Variants in CXCR4 observed in about 807,000 individuals in gnomAD.
CXCR4 encodes C-X-C motif chemokine receptor 4.
In CXCR4, 6 loss-of-function variants were observed where a neutral mutation model predicts 22.4. The observed-to-expected ratio is 0.27, with a 90% CI of 0.15 to 0.53. The LOEUF is 0.53. Ranked by LOEUF, CXCR4 falls within the 20% of genes least tolerant of loss-of-function variation. The probability of loss-of-function intolerance (pLI) is 0.96; values close to 1 mark genes in which losing one functional copy is unlikely to be tolerated. For missense variants in CXCR4, 300 were observed against 430.4 expected (o/e 0.70, Z 2.68); for synonymous variants, 155 against 171.7 (o/e 0.90, Z 0.76).
intron 1 of CXCR4, chr2:136,117,466 T>A (rs2104920890): frequency 6.5e-6 from 1 of 152,730 alleles, no homozygotes; most frequent in African/African-American, 2.4e-5. Context: ...TCCCGCCCTC[T>A]GCCTACTGTG....
At chr2:136,117,746 G>A (rs576441901) in intron 1 of CXCR4, 5 of 399,966 alleles carry the variant, frequency 1.3e-5, no homozygotes, top group Middle Eastern at 6.9e-4. Flanking sequence ...ATGTTCTTAC[G>A]TTTGCAAACA....
rs762937679 is a variant in CXCR4 at position 136,115,201 on chromosome 2, T to G, written c.727A>C (p.Ile243Leu). 2.3e-5 allele frequency: 37 copies of G among 1,613,888 alleles called. No homozygotes were observed. The highest frequency in any genetic ancestry group is 3.1e-5 in the Non-Finnish European group (37 of 1,179,994). Residue 243 changes from isoleucine (I) to leucine (L), a missense_variant, in exon 2 of 2, where the codon ATC becomes CTC. Physicochemically the swap from Ile to Leu is conservative, Grantham distance 5. Transcript: ENST00000241393. The surrounding 1 kb of genome is among the most constrained non-coding windows in gnomAD (Gnocchi z 6.4). ...CAGGCGAAGAAAGCCAGGATGAGGA[T>G]GACTGTGGTCTTGAGGGCCTTGCGC... ...QKRKALKTTV[I>L]LILAFFACWL... is the part of the protein sequence containing the mutation.
In CXCR4 at chr2:136,114,658, G is replaced by GCCA. The variant is rs1207643752; in HGVS notation, c.*208_*210dup. On this transcript the variant is annotated 3_prime_UTR_variant, in exon 2 of 2. Transcript: ENST00000241393. ...GAGACATACAGCAACTAAGAACTTG[G>GCCA]CCACAGGTCCTGCCTAGACACACAT... 2 of 454,032 alleles carry GCCA rather than the reference G, an allele frequency of 4.4e-6. No individual in the cohort carries two copies. Among genetic ancestry groups the GCCA allele is most frequent in the East Asian group, 7.5e-5 (2 of 26,622 alleles). The allele number at this position is 454,032 out of a possible 1,614,324, so 28.1% of individuals were successfully genotyped here.
At chr2:136,116,912 G>T (rs1573615978) in intron 1 of CXCR4, among the ~76,000 whole-genome samples, 1 of 152,328 alleles carries the variant, frequency 6.6e-6, no homozygotes, top group East Asian at 1.9e-4. Flanking sequence ...CGCAAGCAGC[G>T]CTGCAGGGGC....
Position 136,115,839 on chromosome 2 carries a change from C to T in CXCR4, c.89G>A (p.Arg30His), listed in dbSNP as rs923351521. ...DYDSMKEPCFREENANFNKIF... is the reference protein window; with the variant it reads ...DYDSMKEPCFHEENANFNKIF... Reference sequence around the variant, plus strand: ...TTTATTGAAATTAGCATTTTCTTCACGGAAACAGGGTTCCTTCATGGAGTC... The same window carrying T: ...TTTATTGAAATTAGCATTTTCTTCATGGAAACAGGGTTCCTTCATGGAGTC... Residue 30 changes from arginine to histidine, a missense_variant, in exon 2 of 2, where the codon CGT becomes CAT. Around this residue, in one of 3 missense-constraint regions of CXCR4, gnomAD observed 118 missense variants for 188.2 expected, o/e 0.63. Coordinates refer to ENST00000241393, the MANE Select transcript of CXCR4 (RefSeq NM_003467.3). This position sits in a 1 kb window ranked among gnomAD's most constrained non-coding sequence, Gnocchi z 6.4. 3.1e-6 allele frequency: 5 copies of T among 1,614,018 alleles called. No individual in the cohort carries two copies. Among genetic ancestry groups the T allele is most frequent in the African/African-American group, 1.3e-5 (1 of 74,886 alleles).
Position 136,118,135 on chromosome 2 carries a change from C to A in CXCR4, c.-75G>T. 6.7e-7 allele frequency: 1 copy of A among 1,498,612 alleles called. No individual in the cohort carries two copies. The highest frequency in any genetic ancestry group is 1.4e-5 in the African/African-American group (1 of 72,632). 92.8% of individuals were successfully genotyped at this position (1,498,612 alleles called of 1,614,324 possible). A position where few individuals can be genotyped will look rare whatever the true frequency, so the allele number is the denominator to read the frequency against. ...TCGGCGTCACTTTGCTACCTGCTGC[C>A]GCAGCCAACAAACTGAAGTTTCTGG... is the stretch of plus-strand genomic sequence containing the variant. On this transcript the variant is annotated 5_prime_UTR_variant, in exon 1 of 2. Coordinates refer to ENST00000241393, the MANE Select transcript of CXCR4 (RefSeq NM_003467.3).
rs1428775677 is a variant in CXCR4 at position 136,115,731 on chromosome 2, T to C, written c.197A>G (p.Gln66Arg). The change falls in exon 2 of 2, where the codon CAG becomes CGG. Residue 66 changes from glutamine (Q) to arginine (R), a missense_variant. Coordinates refer to ENST00000241393, the MANE Select transcript of CXCR4 (RefSeq NM_003467.3). The surrounding 1 kb of genome is among the most constrained non-coding windows in gnomAD (Gnocchi z 6.4). ...GTCCGTCATGCTTCTCAGTTTCTTC[T>C]GGTAACCCATGACCAGGATGACCAA... is the stretch of plus-strand genomic sequence containing the variant. ...NGLVILVMGYQKKLRSMTDKY... is the reference protein window; with the variant it reads ...NGLVILVMGYRKKLRSMTDKY... 1.2e-6 allele frequency: 2 copies of C among 1,614,218 alleles called. No homozygotes were observed.
rs867778914 is a variant in CXCR4, at chr2:136,115,283, G to A, written c.645C>T (p.Ile215=). Residue 215 remains isoleucine (I), a synonymous_variant, in exon 2 of 2, where the codon ATC becomes ATT. Coordinates refer to ENST00000241393, the MANE Select transcript of CXCR4 (RefSeq NM_003467.3). The surrounding 1 kb of genome is among the most constrained non-coding windows in gnomAD (Gnocchi z 6.4). ...MVGLILPGIV[I]LSCYCIIISK... is the part of the protein sequence containing the mutation. ...AGATGATAATGCAATAGCAGGACAG[G>A]ATGACAATACCAGGCAGGATAAGGC... The A allele has an allele frequency of 3.1e-6, 5 of 1,614,184 alleles. No homozygotes were observed. The highest frequency in any genetic ancestry group is 1.3e-5 in the African/African-American group (1 of 75,020).
chr2:136,117,846 A>C, intron 1 of CXCR4, 200 bp downstream of exon 1: 10 of 491,668 alleles, frequency 2.0e-5, no homozygotes, highest in Middle Eastern at 5.6e-4. Flanking sequence ...CTCGACTCAC[A>C]GAGAAAAAGA....
chr2:136,116,946 C>G (rs1684913747), intron 1 of CXCR4, among the ~76,000 whole-genome samples: 1 of 152,254 alleles, frequency 6.6e-6, no homozygotes, highest in Non-Finnish European at 1.5e-5. Flanking sequence ...ACGCCAGGCT[C>G]TGTCCCACAG....
chr2:136,115,283 G>T lies in CXCR4; in HGVS notation c.645C>A (p.Ile215=). 2 of 1,614,184 alleles carry T rather than the reference G, an allele frequency of 1.2e-6. No homozygotes were observed. Among genetic ancestry groups the T allele is most frequent in the Non-Finnish European group, 1.7e-6 (2 of 1,180,032 alleles). The part of the protein sequence containing the change: ...MVGLILPGIV[I]LSCYCIIISK... ...AGATGATAATGCAATAGCAGGACAG[G>T]ATGACAATACCAGGCAGGATAAGGC... is the stretch of plus-strand genomic sequence containing the variant. Residue 215 remains isoleucine (I), a synonymous_variant, in exon 2 of 2, where the codon ATC becomes ATA. Coordinates refer to ENST00000241393, the MANE Select transcript of CXCR4 (RefSeq NM_003467.3). The surrounding 1 kb of genome is among the most constrained non-coding windows in gnomAD (Gnocchi z 6.4).
intron 1 of CXCR4, among the ~76,000 whole-genome samples, chr2:136,117,292 A>G (rs1684925397): frequency 6.6e-6 from 1 of 152,062 alleles, no homozygotes. Flanking sequence ...CACGACCCCA[A>G]ACTCTCGAAC....
rs1175823598 is a variant in CXCR4 at position 136,116,243 on chromosome 2, A to G, written c.16-331T>C. 3.3e-6 allele frequency: 4 copies of G among 1,217,490 alleles called. No individual in the cohort carries two copies. In the East Asian group the frequency reaches 2.0e-4, roughly 60 times the overall value. The allele number at this position is 1,217,490 out of a possible 1,614,324, so 75.4% of individuals were successfully genotyped here. On this transcript the variant is annotated intron_variant, in intron 1 of 1. Coordinates refer to ENST00000241393, the MANE Select transcript of CXCR4 (RefSeq NM_003467.3). ...CCGCCCACTAGAGGGAAGAAAAAAA[A>G]CCTTCCTTAGGAGGAAAAAAAAAAT...
intron 1 of CXCR4, chr2:136,117,392 A>G (rs1274800162): frequency 6.6e-6 from 1 of 152,364 alleles, no homozygotes; most frequent in Non-Finnish European, 1.5e-5. Context: ...CGGGCGGATC[A>G]ACTCCTAGCT....
At chr2:136,116,156 A>C in intron 1 of CXCR4, 1 of 1,416,588 alleles carries the variant, frequency 7.1e-7, no homozygotes, top group Non-Finnish European at 9.2e-7. Flanking sequence ...TTCTTTGTTT[A>C]GAACAAAAGG....
At chr2:136,117,033 C>G (rs1458947340) in intron 1 of CXCR4, among the ~76,000 whole-genome samples, 1 of 152,214 alleles carries the variant, frequency 6.6e-6, no homozygotes, top group Non-Finnish European at 1.5e-5. Flanking sequence ...CAAAAACTCC[C>G]TAGCAAGAGG....
intron 1 of CXCR4, 181 bp from the exon 2 acceptor site, chr2:136,116,093 C>T (rs993935019): frequency 1.3e-6 from 2 of 1,506,134 alleles, no homozygotes; most frequent in African/African-American, 2.8e-5. Context: ...TCCTCCCCAT[C>T]TTTTCCCATA....
At position 136,115,159 on chromosome 2, in the gene CXCR4, T is replaced by A. The variant is rs749571357; in HGVS notation, c.769A>T (p.Ile257Phe). The change falls in exon 2 of 2, where the codon ATT (isoleucine) becomes TTT (phenylalanine). Residue 257 changes from isoleucine (I) to phenylalanine (F), a missense_variant. Physicochemically the swap from Ile to Phe is conservative, Grantham distance 21. Transcript: ENST00000241393. This position sits in a 1 kb window ranked among gnomAD's most constrained non-coding sequence, Gnocchi z 6.4. ...ATGAAGGAGTCGATGCTGATCCCAA[T>A]GTAGTAAGGCAGCCAACAGGCGAAG... is the stretch of plus-strand genomic sequence containing the variant. ...AFFACWLPYY[I>F]GISIDSFILL... 1 of 1,614,120 alleles carries A rather than the reference T, an allele frequency of 6.2e-7. No homozygotes were observed. The highest frequency in any genetic ancestry group is 1.1e-5 in the South Asian group (1 of 91,074).
At position 136,115,067 on chromosome 2, in the gene CXCR4, G is replaced by C; in HGVS notation, c.861C>G (p.Thr287=). ...AACAGTGGAAGAAAGCTAGGGCCTC[G>C]GTGATGGAAATCCACTTGTGCACAG... is the stretch of plus-strand genomic sequence containing the variant. ...ENTVHKWISI[T]EALAFFHCCL... is the part of the protein sequence containing the mutation. The change falls in exon 2 of 2, where the codon ACC becomes ACG. Residue 287 remains threonine (T), a synonymous_variant. Coordinates refer to ENST00000241393, the MANE Select transcript of CXCR4 (RefSeq NM_003467.3). This position sits in a 1 kb window ranked among gnomAD's most constrained non-coding sequence, Gnocchi z 6.4. The C allele has an allele frequency of 6.2e-7, 1 of 1,614,152 alleles. No homozygotes were observed. Among genetic ancestry groups the C allele is most frequent in the Non-Finnish European group, 8.5e-7 (1 of 1,180,018 alleles).
Sources: gnomAD v4.1 joint callset for allele counts (sites outside exome capture counted in the v4.1 genomes callset) on GRCh38, gnomAD v4.1.1 for gene constraint, gnomAD v4.1.1 regional missense constraint, Gnocchi (gnomAD v3.1) non-coding constraint, MANE v1.5 for transcripts, NCBI Gene and HGNC (gene_info 2026-07-23, HGNC 2026-07-21) for gene names.